Variants in CCNI2 observed in about 807,000 individuals in gnomAD.
The protein encoded by CCNI2 is cyclin I family member 2.
CCNI2 carries 32 observed loss-of-function variants against 33.2 expected under a neutral mutation model. The ratio of observed to expected loss-of-function variants is 0.96; its 90% confidence interval spans 0.73 to 1.30. CCNI2 has a LOEUF of 1.30. Among genes scored for constraint, CCNI2 ranks in the 50% most tolerant of loss-of-function variants. CCNI2 has a pLI of 0.00. For synonymous variants in CCNI2, 231 were observed against 219.9 expected (o/e 1.05, Z -0.45); for missense variants, 452 against 486.2 (o/e 0.93, Z 0.66).
Position 132,747,627 on chromosome 5 carries a change from G to A in CCNI2, c.132G>A (p.Gly44=). 6.7e-7 allele frequency: 1 copy of A among 1,502,016 alleles called. No individual in the cohort carries two copies. The highest frequency in any genetic ancestry group is 8.8e-7 in the Non-Finnish European group (1 of 1,132,070). The allele number at this position is 1,502,016 out of a possible 1,614,324, so 93.0% of individuals were successfully genotyped here. The change falls in exon 1 of 6, where the codon GGG becomes GGA. Residue 44 remains glycine, a synonymous_variant. Coordinates refer to ENST00000378731, the MANE Select transcript of CCNI2 (RefSeq NM_001039780.4). This position sits in a 1 kb window ranked among gnomAD's most constrained non-coding sequence, Gnocchi z 4.1. ...ALGVPLPPSP[G]EAPLPRSNRS... is the part of the protein sequence containing the mutation. ...GCGTTCCTCTCCCGCCGTCTCCGGG[G>A]GAGGCCCCTCTGCCCCGAAGCAACC... is the stretch of plus-strand genomic sequence containing the variant.
chr5:132,751,496 TAGTA>T (rs1046933155), intron 4 of CCNI2: 10 of 190,904 alleles, frequency 5.2e-5, no homozygotes, highest in Admixed American at 2.7e-4. Flanking sequence ...ATGATTCTGT[TAGTA>T]AGGCAAAATT....
At chr5:132,748,174 G>C (rs1754666475) in intron 1 of CCNI2, among the ~76,000 whole-genome samples, 173 bp from the exon 2 acceptor site, 1 of 152,178 alleles carries the variant, frequency 6.6e-6, no homozygotes, top group African/African-American at 2.4e-5. Context: ...GCGAGGGGTG[G>C]GGGTGATGGG....
downstream of CCNI2, chr5:132,755,959 C>CTT (rs3214219): frequency 0.17 from 167,621 of 983,064 alleles, 29,797 homozygotes; most frequent in African/African-American, 0.82. Context: ...GCTCAGGAAA[C>CTT]GTTAAATCAG....
intron 3 of CCNI2, among the ~76,000 whole-genome samples, chr5:132,750,336 A>G (rs369927125): frequency 9.2e-5 from 14 of 152,294 alleles, no homozygotes; most frequent in African/African-American, 3.4e-4. Flanking sequence ...GAAAAGCCAT[A>G]GTTTTTCCAG....
Position 132,747,534 on chromosome 5 carries a change from C to G in CCNI2, c.39C>G (p.Ser13Arg). 6.6e-7 allele frequency: 1 copy of G among 1,506,224 alleles called. No homozygotes were observed. Among genetic ancestry groups the G allele is most frequent in the Non-Finnish European group, 8.8e-7 (1 of 1,134,898 alleles). The allele number at this position is 1,506,224 out of a possible 1,614,324, so 93.3% of individuals were successfully genotyped here. A position where few individuals can be genotyped will look rare whatever the true frequency, so the allele number is the denominator to read the frequency against. ...SGAQLPPQPS[S>R]SEVSAVQSPG... is the part of the protein sequence containing the mutation. The stretch of plus-strand genomic sequence containing the variant: ...CTCAGCTCCCGCCGCAGCCGTCGAG[C>G]TCAGAGGTCAGCGCCGTCCAGAGCC... Residue 13 changes from serine (S) to arginine (R), a missense_variant, in exon 1 of 6, where the codon AGC (serine) becomes AGG (arginine). Ser to Arg is a moderately radical substitution (Grantham distance 110). Coordinates refer to ENST00000378731, the MANE Select transcript of CCNI2 (RefSeq NM_001039780.4). The surrounding 1 kb of genome is among the most constrained non-coding windows in gnomAD (Gnocchi z 4.1).
At chr5:132,756,005 C>A, downstream of CCNI2, 1 of 985,038 alleles carries the variant, frequency 1.0e-6, no homozygotes, top group Non-Finnish European at 1.2e-6. Context: ...CACAAAAACT[C>A]AAAATAAATG....
Position 132,747,991 on chromosome 5 carries a change from C to T in CCNI2, c.429+67C>T, listed in dbSNP as rs1754660983. Reference sequence around the variant, plus strand: ...CAGGCGGATGTGGCCTCCACCTGCACCCGCGCTCGGGTGTTCTGAAACTGG... The same window carrying T: ...CAGGCGGATGTGGCCTCCACCTGCATCCGCGCTCGGGTGTTCTGAAACTGG... On this transcript the variant is annotated intron_variant, in intron 1 of 5. Coordinates refer to ENST00000378731, the MANE Select transcript of CCNI2 (RefSeq NM_001039780.4). The surrounding 1 kb of genome is among the most constrained non-coding windows in gnomAD (Gnocchi z 4.1). 7.5e-7 allele frequency: 1 copy of T among 1,335,534 alleles called. No homozygotes were observed. The highest frequency in any genetic ancestry group is 9.6e-7 in the Non-Finnish European group (1 of 1,038,824). The allele number at this position is 1,335,534 out of a possible 1,614,324, so 82.7% of individuals were successfully genotyped here.
At chr5:132,751,773 G>A (rs529485047) in intron 4 of CCNI2, 193 bp from the exon 5 acceptor site, 86 of 624,456 alleles carry the variant, frequency 1.4e-4, no homozygotes, top group Admixed American at 1.2e-3. Context: ...TTTTGGTCCC[G>A]GAGTGGAAGC....
rs986651033 is a variant in CCNI2, at chr5:132,748,392, C to T, written c.475C>T (p.Arg159Trp). ...CGAGGAAGTCGTGCTGTGGCTCCTG[C>T]GGCTTCAGAACACCTTTTACTTCTC... Reference protein sequence around the residue: ...AFEEVVLWLLRLQNTFYFSQS... With the variant: ...AFEEVVLWLLWLQNTFYFSQS... Residue 159 changes from arginine to tryptophan, a missense_variant, in exon 2 of 6, where the codon CGG becomes TGG. Transcript: ENST00000378731. 3 of 1,614,146 alleles carry T rather than the reference C, an allele frequency of 1.9e-6. No homozygotes were observed. Among genetic ancestry groups the T allele is most frequent in the Admixed American group, 1.7e-5 (1 of 60,024 alleles).
rs781254926 is a variant in CCNI2, at chr5:132,747,777, C to T, written c.282C>T (p.Ala94=). Residue 94 remains alanine, a synonymous_variant, in exon 1 of 6, where the codon GCC becomes GCT. Coordinates refer to ENST00000378731, the MANE Select transcript of CCNI2 (RefSeq NM_001039780.4). This position sits in a 1 kb window ranked among gnomAD's most constrained non-coding sequence, Gnocchi z 4.1. ...GGAAAACCGCAGACGCGGTCCCCGCCGCCGCCCCAGAGCAAGCTCCGCGGC... is the reference window on the plus strand; with the variant it reads ...GGAAAACCGCAGACGCGGTCCCCGCTGCCGCCCCAGAGCAAGCTCCGCGGC... The part of the protein sequence containing the change: ...PAGKTADAVP[A]AAPEQAPRPA... 5 of 1,469,996 alleles carry T rather than the reference C, an allele frequency of 3.4e-6. No homozygotes were observed. In the South Asian group the frequency reaches 5.2e-5, roughly 15 times the overall value. 91.1% of individuals were successfully genotyped at this position (1,469,996 alleles called of 1,614,324 possible).
rs1433393899 is a variant in CCNI2 at position 132,754,309 on chromosome 5, G to A, written c.*1339G>A. 1.5e-6 allele frequency: 1 copy of A among 684,720 alleles called. No individual in the cohort carries two copies. Among genetic ancestry groups the A allele is most frequent in the Non-Finnish European group, 2.7e-6 (1 of 369,010 alleles). The allele number at this position is 684,720 out of a possible 1,614,324, so 42.4% of individuals were successfully genotyped here. A position where few individuals can be genotyped will look rare whatever the true frequency, so the allele number is the denominator to read the frequency against. ...CAGATGGAGATGCTGAGGCCATGCT[G>A]CTCACAGCTTCCAGTGGTGGCCGTT... On this transcript the variant is annotated 3_prime_UTR_variant, in exon 6 of 6. Transcript: ENST00000378731.
intron 2 of CCNI2, 126 bp downstream of exon 2, chr5:132,748,601 C>A: frequency 1.7e-6 from 2 of 1,160,268 alleles, no homozygotes; most frequent in Non-Finnish European, 2.4e-6. Context: ...TAACTTGCTC[C>A]GAGTGGAAGA....
intron 5 of CCNI2, 90 bp downstream of exon 5, chr5:132,752,286 T>C (rs1169130672): frequency 1.0e-5 from 14 of 1,382,792 alleles, no homozygotes; most frequent in African/African-American, 1.5e-5. Flanking sequence ...TTTGCCCTTG[T>C]AGCCTCTGGA....
Position 132,747,746 on chromosome 5 carries a change from C to A in CCNI2, c.251C>A (p.Pro84Gln). Reference protein sequence around the residue: ...VPVRPRRGTAPAGKTADAVPA... With the variant: ...VPVRPRRGTAQAGKTADAVPA... ...GTGCGGCCCCGGCGCGGTACGGCGC[C>A]AGCCGGGAAAACCGCAGACGCGGTC... is the stretch of plus-strand genomic sequence containing the variant. Residue 84 changes from proline (P) to glutamine (Q), a missense_variant, in exon 1 of 6, where the codon CCA becomes CAA. Transcript: ENST00000378731. The surrounding 1 kb of genome is among the most constrained non-coding windows in gnomAD (Gnocchi z 4.1). 1 of 1,471,024 alleles carries A rather than the reference C, an allele frequency of 6.8e-7. No homozygotes were observed. The allele number at this position is 1,471,024 out of a possible 1,614,324, so 91.1% of individuals were successfully genotyped here. A position where few individuals can be genotyped will look rare whatever the true frequency, so the allele number is the denominator to read the frequency against.
rs771229469 is a variant in CCNI2 at position 132,747,776 on chromosome 5, C to G, written c.281C>G (p.Ala94Gly). ...PAGKTADAVPAAAPEQAPRPA... is the reference protein window; with the variant it reads ...PAGKTADAVPGAAPEQAPRPA... ...GGGAAAACCGCAGACGCGGTCCCCG[C>G]CGCCGCCCCAGAGCAAGCTCCGCGG... The change falls in exon 1 of 6, where the codon GCC becomes GGC. Residue 94 changes from alanine to glycine, a missense_variant. By Grantham distance (60) the Ala-to-Gly change is moderately conservative. Coordinates refer to ENST00000378731, the MANE Select transcript of CCNI2 (RefSeq NM_001039780.4). This position sits in a 1 kb window ranked among gnomAD's most constrained non-coding sequence, Gnocchi z 4.1. The G allele has an allele frequency of 6.8e-7, 1 of 1,469,884 alleles. No individual in the cohort carries two copies. Among genetic ancestry groups the G allele is most frequent in the Admixed American group, 2.5e-5 (1 of 40,288 alleles). 91.1% of individuals were successfully genotyped at this position (1,469,884 alleles called of 1,614,324 possible). A position where few individuals can be genotyped will look rare whatever the true frequency, so the allele number is the denominator to read the frequency against.
At chr5:132,754,764 C>T (rs150427855), downstream of CCNI2, among the ~76,000 whole-genome samples, 684 of 152,330 alleles carry the variant, frequency 4.5e-3, 6 homozygotes, top group African/African-American at 0.015. Context: ...CCCACCTCAA[C>T]TCAGAGATTG....
At position 132,752,975 on chromosome 5, in the gene CCNI2, T is replaced by A; in HGVS notation, c.*5T>A. The A allele has an allele frequency of 6.2e-7, 1 of 1,610,242 alleles. No individual in the cohort carries two copies. The highest frequency in any genetic ancestry group is 1.1e-5 in the South Asian group (1 of 91,004). On this transcript the variant is annotated 3_prime_UTR_variant, in exon 6 of 6. Transcript: ENST00000378731. ...TTTGTGTCACCTGCCAACTAGCCCC[T>A]CTGCCTCCACCCCGGGGCTTTCAGA...
Position 132,752,013 on chromosome 5 carries a change from G to T in CCNI2, c.822G>T (p.Leu274=). Residue 274 remains leucine, a synonymous_variant, in exon 5 of 6, where the codon CTG becomes CTT. Transcript: ENST00000378731. ...GCTGGCCCCATGTGTTGGAGCTGCT[G>T]CCTCAGAGGAATCCTTCCCTCCACG... ...VLSWPHVLEL[L]PQRNPSLHVA... is the part of the protein sequence containing the mutation. The T allele has an allele frequency of 6.2e-7, 1 of 1,612,404 alleles. No individual in the cohort carries two copies. The highest frequency in any genetic ancestry group is 8.5e-7 in the Non-Finnish European group (1 of 1,179,480).
In CCNI2 at chr5:132,747,958, G is replaced by A; in HGVS notation, c.429+34G>A. 2.2e-6 allele frequency: 3 copies of A among 1,361,000 alleles called. No homozygotes were observed. Among genetic ancestry groups the A allele is most frequent in the South Asian group, 1.8e-5 (1 of 56,228 alleles). The allele number at this position is 1,361,000 out of a possible 1,614,324, so 84.3% of individuals were successfully genotyped here. ...CGCTGCCGCGTGGCCCTCCTCGCGCGTGCACGGCAGGCGGATGTGGCCTCC... is the reference window on the plus strand; with the variant it reads ...CGCTGCCGCGTGGCCCTCCTCGCGCATGCACGGCAGGCGGATGTGGCCTCC... On this transcript the variant is annotated intron_variant, in intron 1 of 5. Coordinates refer to ENST00000378731, the MANE Select transcript of CCNI2 (RefSeq NM_001039780.4). The surrounding 1 kb of genome is among the most constrained non-coding windows in gnomAD (Gnocchi z 4.1).
Sources: allele counts gnomAD v4.1 joint callset (sites outside exome capture counted in the v4.1 genomes callset), GRCh38; gene constraint gnomAD v4.1.1; non-coding constraint Gnocchi (gnomAD v3.1); transcripts MANE v1.5; gene names NCBI Gene and HGNC (gene_info 2026-07-23, HGNC 2026-07-21).